Variants in ZNF710 observed in about 807,000 individuals in gnomAD.
ZNF710 encodes the protein zinc finger protein 710.
ZNF710 carries 13 observed loss-of-function variants against 50.6 expected under a neutral mutation model. The ratio of observed to expected loss-of-function variants is 0.26; its 90% CI spans 0.17 to 0.41. The LOEUF is 0.41. Among genes scored for constraint, ZNF710 ranks in the 10% least tolerant of loss-of-function variants. The pLI is 1.00. For missense variants in ZNF710, 721 were observed against 936.6 expected (o/e 0.77, Z 3.01); for synonymous variants, 383 against 397.0 (o/e 0.96, Z 0.42).
rs758539602 is a variant in ZNF710, at chr15:90,068,411, A to T, written c.1274A>T (p.His425Leu). 6.2e-7 allele frequency: 1 copy of T among 1,613,832 alleles called. No homozygotes were observed. Residue 425 changes from histidine to leucine, a missense_variant, in exon 2 of 5, where the codon CAC becomes CTC. His to Leu is a moderately conservative substitution (Grantham distance 99, BLOSUM62 -3). This residue lies in a region of ZNF710 where 326 missense variants were observed against 522.0 expected (regional missense o/e 0.62). Transcript: ENST00000268154. The surrounding 1 kb of genome is among the most constrained non-coding windows in gnomAD (Gnocchi z 5.0). ...TCCACCCTGACCCAGCTCAAGCGCC[A>T]CCTGGCCTCCCACCAGGGCCCCACC... ...DFSTLTQLKR[H>L]LASHQGPTLY...
At chr15:90,021,368 C>T (rs1247357727) in intron 1 of ZNF710, among the ~76,000 whole-genome samples, 2 of 152,210 alleles carry the variant, frequency 1.3e-5, no homozygotes, top group East Asian at 3.9e-4. Context: ...CACAGCCTCC[C>T]CAAGCCTTGG....
intron 1 of ZNF710, among the ~76,000 whole-genome samples, chr15:90,007,173 G>C (rs1180201743): frequency 6.6e-6 from 1 of 152,150 alleles, no homozygotes; most frequent in Non-Finnish European, 1.5e-5. Flanking sequence ...ACCCTGGGAG[G>C]ATTTGGCCTG....
In ZNF710 at chr15:90,014,532, G is replaced by T. The variant is rs1427714892; in HGVS notation, c.-29+12918G>T. On this transcript the variant is annotated intron_variant, in intron 1 of 4. Transcript: ENST00000268154. ...TCTCTTAAAAAAAAAAAAAAAAAAA[G>T]ATGGCATTTAAAAAATTATGACCTG... Among the ~76,000 whole-genome samples, 6 of 133,258 alleles carry T rather than the reference G, an allele frequency of 4.5e-5. No individual in the cohort carries two copies. The East Asian group carries it at 1.3e-3, about 29-fold the overall frequency. 87.4% of individuals were successfully genotyped at this position (133,258 alleles called of 152,430 possible). A position where few individuals can be genotyped will look rare whatever the true frequency, so the allele number is the denominator to read the frequency against.
intron 1 of ZNF710, among the ~76,000 whole-genome samples, chr15:90,030,315 G>T (rs1898896144): frequency 1.7e-5 from 1 of 60,194 alleles, no homozygotes; most frequent in African/African-American, 7.3e-5. Context: ...GGCAACAAGA[G>T]CAAAACTCCA....
chr15:90,069,867 T>C (rs1900315099), intron 2 of ZNF710, among the ~76,000 whole-genome samples: 1 of 152,106 alleles, frequency 6.6e-6, no homozygotes, highest in South Asian at 2.1e-4. Context: ...TCAGCCAATA[T>C]CACCTCCTCT....
chr15:90,023,180 G>A (rs958184169), intron 1 of ZNF710, among the ~76,000 whole-genome samples: 8 of 152,102 alleles, frequency 5.3e-5, no homozygotes, highest in African/African-American at 1.7e-4. Context: ...ACCCAGATGC[G>A]ATGAGTCCAA....
chr15:90,077,883 T>C (rs1366873194), intron 4 of ZNF710, among the ~76,000 whole-genome samples: 1 of 151,106 alleles, frequency 6.6e-6, no homozygotes, highest in Non-Finnish European at 1.5e-5. Context: ...CACCCCAGCC[T>C]TGGCAATAGA....
intron 1 of ZNF710, among the ~76,000 whole-genome samples, chr15:90,061,673 C>G (rs1346420642): frequency 6.6e-6 from 1 of 152,138 alleles, no homozygotes; most frequent in Non-Finnish European, 1.5e-5. Context: ...CTCCTCTGCT[C>G]CTAGAGTGAT....
In ZNF710 at chr15:90,005,273, A is replaced by G. The variant is rs540333620; in HGVS notation, c.-29+3659A>G. Among the ~76,000 whole-genome samples the G allele has an allele frequency of 5.4e-4, 82 of 152,286 alleles. 2 individuals are homozygous for G. Among genetic ancestry groups the G allele is most frequent in the Admixed American group, 4.7e-3 (72 of 15,302 alleles). ...AAGATTTGCCTGCCAGAAGGAACCCATGAATGACACAGGCAGGGACAGGGA... is the reference window on the plus strand; with the variant it reads ...AAGATTTGCCTGCCAGAAGGAACCCGTGAATGACACAGGCAGGGACAGGGA... On this transcript the variant is annotated intron_variant, in intron 1 of 4. Transcript: ENST00000268154.
chr15:90,010,931 T>G (rs1190428745), intron 1 of ZNF710, among the ~76,000 whole-genome samples: 4 of 134,954 alleles, frequency 3.0e-5, no homozygotes, highest in Non-Finnish European at 5.0e-5. Context: ...GTTTTTTGTT[T>G]TTTTTTTTTT....
intron 1 of ZNF710, among the ~76,000 whole-genome samples, chr15:90,013,921 A>G (rs551117166): frequency 6.6e-6 from 1 of 152,146 alleles, no homozygotes; most frequent in Admixed American, 6.5e-5. Context: ...CGGACCCCAC[A>G]CTGGATTCTG....
rs770803877 is a variant in ZNF710, at chr15:90,059,866, C to G, written c.-28-7244C>G. 6.6e-6 allele frequency among the ~76,000 whole-genome samples: 1 copy of G among 152,224 alleles called. No homozygotes were observed. The highest frequency in any genetic ancestry group is 1.5e-5 in the Non-Finnish European group (1 of 68,040). On this transcript the variant is annotated intron_variant, in intron 1 of 4. Coordinates refer to ENST00000268154, the MANE Select transcript of ZNF710 (RefSeq NM_198526.4). The surrounding 1 kb of genome is among the most constrained non-coding windows in gnomAD (Gnocchi z 4.1). The stretch of plus-strand genomic sequence containing the variant: ...GAAATCCCGTGCATGTTTTTCACAG[C>G]GGGTGTACAGGCCTGGAACTTCCTC...
chr15:90,021,633 G>A (rs1898625283), intron 1 of ZNF710, among the ~76,000 whole-genome samples: 1 of 152,104 alleles, frequency 6.6e-6, no homozygotes, highest in Non-Finnish European at 1.5e-5. Context: ...GAATGGCATG[G>A]TCTCTCTCCC....
At chr15:90,078,841 A>G (rs183359543) in intron 4 of ZNF710, among the ~76,000 whole-genome samples, 1,598 of 152,314 alleles carry the variant, frequency 0.01, 11 homozygotes, top group Non-Finnish European at 0.015. Flanking sequence ...ACAGGGCCAG[A>G]ATGCACTTTG....
At chr15:90,052,226 G>A (rs1471725402) in intron 1 of ZNF710, among the ~76,000 whole-genome samples, 4 of 151,992 alleles carry the variant, frequency 2.6e-5, no homozygotes, top group African/African-American at 7.3e-5. Context: ...AAGACCTAGG[G>A]CCCCTTTCTT....
At chr15:90,065,439 C>T (rs755482242) in intron 1 of ZNF710, among the ~76,000 whole-genome samples, 9 of 152,172 alleles carry the variant, frequency 5.9e-5, no homozygotes, top group Non-Finnish European at 8.8e-5. Context: ...AGGAGGAGGT[C>T]GCCACTGCCT....
At chr15:90,019,706 G>A (rs1003500331) in intron 1 of ZNF710, among the ~76,000 whole-genome samples, 6 of 152,172 alleles carry the variant, frequency 3.9e-5, no homozygotes, top group Non-Finnish European at 5.9e-5. Flanking sequence ...CTGGCCCGTC[G>A]CTTTACAATG....
rs948842026 is a variant in ZNF710, at chr15:90,062,836, G to A, written c.-28-4274G>A. 1.3e-5 allele frequency among the ~76,000 whole-genome samples: 2 copies of A among 152,028 alleles called. No homozygotes were observed. Among genetic ancestry groups the A allele is most frequent in the Admixed American group, 1.3e-4 (2 of 15,272 alleles). On this transcript the variant is annotated intron_variant, in intron 1 of 4. Coordinates refer to ENST00000268154, the MANE Select transcript of ZNF710 (RefSeq NM_198526.4). The surrounding 1 kb of genome is among the most constrained non-coding windows in gnomAD (Gnocchi z 5.6). ...CAGAGCCCCTTCTGCATACACACACGCGCGCACGCGCACACACACACAGCC... is the reference window on the plus strand; with the variant it reads ...CAGAGCCCCTTCTGCATACACACACACGCGCACGCGCACACACACACAGCC...
intron 1 of ZNF710, among the ~76,000 whole-genome samples, chr15:90,004,797 G>A (rs182756646): frequency 1.5e-4 from 23 of 152,336 alleles, no homozygotes; most frequent in Middle Eastern, 3.4e-3. Flanking sequence ...GAAACCGTGC[G>A]CTCACGCCGC....
Sources: allele counts gnomAD v4.1 joint callset (sites outside exome capture counted in the v4.1 genomes callset), GRCh38; gene constraint gnomAD v4.1.1; regional missense constraint gnomAD v4.1.1; non-coding constraint Gnocchi (gnomAD v3.1); transcripts MANE v1.5; gene names NCBI Gene and HGNC (gene_info 2026-07-23, HGNC 2026-07-21).